Variants in CREB5 observed in about 807,000 individuals in gnomAD.
The protein encoded by CREB5 is cAMP responsive element binding protein 5.
A neutral mutation model predicts 57.1 loss-of-function variants in CREB5; 19 were observed. The observed-to-expected ratio is 0.33, with a 90% CI of 0.23 to 0.49. The LOEUF (loss-of-function observed/expected upper bound fraction) is 0.49, where lower values mean the gene tolerates loss of function less well. CREB5 is among the 20% of genes least tolerant of loss of function. The pLI is 0.99. For synonymous variants in CREB5, 238 were observed against 238.3 expected, an observed-to-expected ratio of 1.00 and a Z score of 0.01; for missense variants, 579 against 671.6, an observed-to-expected ratio of 0.86 and a Z score of 1.52.
In CREB5 at chr7:28,421,835, C is replaced by CAT. The variant is rs1562705639; in HGVS notation, c.3+8919_3+8920insTA. ...TATATATAGTGTGCATATATATATA[C>CAT]ACACACACACACTCTCTCTCTCTAT... On this transcript the variant is annotated intron_variant, in intron 1 of 10. Coordinates refer to ENST00000357727, the MANE Select transcript of CREB5 (RefSeq NM_182898.4). 1.9e-3 allele frequency among the ~76,000 whole-genome samples: 11 copies of CAT among 5,904 alleles called. No individual in the cohort carries two copies. The Admixed American group carries it at 0.026, about 14-fold the overall frequency. 3.9% of individuals were successfully genotyped at this position (5,904 alleles called of 152,430 possible). A position where few individuals can be genotyped will look rare whatever the true frequency, so the allele number is the denominator to read the frequency against.
chr7:28,367,576 G>A (rs1035259101), intron 1 of CREB5, among the ~76,000 whole-genome samples: 8 of 152,168 alleles, frequency 5.3e-5, no homozygotes, highest in Admixed American at 2.6e-4. Context: ...TTGGGAAGCC[G>A]AGGCGGGTGG....
At chr7:28,486,695 T>TATATATA (rs1282046289) in intron 1 of CREB5, among the ~76,000 whole-genome samples, 20 of 132,508 alleles carry the variant, frequency 1.5e-4, no homozygotes, top group African/African-American at 2.2e-4. Context: ...TATATATATG[T>TATATATA]TACTGTGTGG....
At chr7:28,638,666 TAAAC>T (rs1424828321) in intron 5 of CREB5, among the ~76,000 whole-genome samples, 3 of 152,126 alleles carry the variant, frequency 2.0e-5, no homozygotes, top group African/African-American at 2.4e-5. Context: ...TTCTTGATCT[TAAAC>T]AAGAGAGAAT....
intron 1 of CREB5, among the ~76,000 whole-genome samples, chr7:28,448,485 TC>T: frequency 6.6e-6 from 1 of 152,196 alleles, no homozygotes; most frequent in Non-Finnish European, 1.5e-5. Flanking sequence ...TTCTCTGGGC[TC>T]CTTGTTTTTC....
intron 4 of CREB5, among the ~76,000 whole-genome samples, chr7:28,536,147 G>A (rs1425285692): frequency 6.6e-6 from 1 of 152,256 alleles, no homozygotes; most frequent in South Asian, 2.1e-4. Flanking sequence ...TGAGAAACCA[G>A]CAAACAATGT....
intron 5 of CREB5, among the ~76,000 whole-genome samples, chr7:28,695,050 C>A (rs1339311712): frequency 6.6e-6 from 1 of 152,084 alleles, no homozygotes; most frequent in Non-Finnish European, 1.5e-5. Context: ...TGTAGGGAGA[C>A]CCCATCTCTA....
At position 28,398,814 on chromosome 7, in the gene CREB5, C is replaced by T. The variant is rs188577985; in HGVS notation, c.-24-96092C>T. Among the ~76,000 whole-genome samples the T allele has an allele frequency of 5.7e-3, 862 of 152,092 alleles. 11 individuals carry two copies. Among genetic ancestry groups the T allele is most frequent in the African/African-American group, 0.02 (814 of 41,486 alleles). ...ACAGCCTTGGCCTCTGAGGCTCAAG[C>T]GATCCTCCCACCTCAGCCTCCCGAG... On this transcript the variant is annotated intron_variant, in intron 1 of 9. Transcript: ENST00000396299.
At chr7:28,668,154 C>T (rs535394872) in intron 5 of CREB5, among the ~76,000 whole-genome samples, 2 of 152,222 alleles carry the variant, frequency 1.3e-5, no homozygotes, top group Non-Finnish European at 2.9e-5. Flanking sequence ...TATGAGGACA[C>T]GGAAAGAAAC....
At chr7:28,802,342 G>A (rs1472453239) in intron 7 of CREB5, among the ~76,000 whole-genome samples, 1 of 151,942 alleles carries the variant, frequency 6.6e-6, no homozygotes, top group Non-Finnish European at 1.5e-5. Context: ...TTCTTAGCAG[G>A]TAGAGGCTCT....
At chr7:28,567,277 C>T (rs576833418) in intron 4 of CREB5, among the ~76,000 whole-genome samples, 55 of 152,274 alleles carry the variant, frequency 3.6e-4, no homozygotes, top group African/African-American at 1.2e-3. Context: ...ATAACTGAAC[C>T]GTAATTTAAC....
intron 1 of CREB5, among the ~76,000 whole-genome samples, chr7:28,394,160 AT>A (rs1427086642): frequency 6.6e-6 from 1 of 150,746 alleles, no homozygotes; most frequent in South Asian, 2.1e-4. Flanking sequence ...TGACCACCAC[AT>A]TTTTTTAAAA....
chr7:28,501,269 A>G (rs919788967), intron 3 of CREB5, among the ~76,000 whole-genome samples: 2 of 152,194 alleles, frequency 1.3e-5, no homozygotes, highest in African/African-American at 4.8e-5. Flanking sequence ...TAGTCATCCA[A>G]TGGAGAAAAT....
At chr7:28,513,347 A>G (rs1792798262) in intron 4 of CREB5, 1 of 152,260 alleles carries the variant, frequency 6.6e-6, no homozygotes, top group Admixed American at 6.5e-5. Context: ...AGTATGGAGA[A>G]AAAGAATATT....
chr7:28,492,210 G>A (rs1041557236), intron 2 of CREB5, among the ~76,000 whole-genome samples: 3 of 152,224 alleles, frequency 2.0e-5, no homozygotes, highest in African/African-American at 7.2e-5. Flanking sequence ...ATGTTGGCCA[G>A]GCTGGTCTCG....
chr7:28,658,951 G>GTATA (rs71555759), intron 5 of CREB5, among the ~76,000 whole-genome samples: 1 of 46,984 alleles, frequency 2.1e-5, no homozygotes, highest in Non-Finnish European at 4.7e-5. Flanking sequence ...ATGTGTGTGT[G>GTATA]TGTATATATA....
chr7:28,462,040 G>T (rs1790370781), intron 1 of CREB5, among the ~76,000 whole-genome samples: 1 of 151,970 alleles, frequency 6.6e-6, no homozygotes, highest in South Asian at 2.1e-4. Flanking sequence ...CCCCCAAAAA[G>T]AAACCTTGTA....
At chr7:28,605,939 A>T (rs767361533) in intron 5 of CREB5, among the ~76,000 whole-genome samples, 7 of 152,340 alleles carry the variant, frequency 4.6e-5, no homozygotes, top group Admixed American at 1.3e-4. Flanking sequence ...TATTTTTATC[A>T]TGCTGGTGGT....
chr7:28,651,408 A>G (rs1408670164), intron 5 of CREB5, among the ~76,000 whole-genome samples: 1 of 151,904 alleles, frequency 6.6e-6, no homozygotes, highest in African/African-American at 2.4e-5. Flanking sequence ...ATAGCAGCAT[A>G]TAGAATAAGC....
At chr7:28,754,069 T>A (rs1805145307) in intron 7 of CREB5, among the ~76,000 whole-genome samples, 1 of 152,064 alleles carries the variant, frequency 6.6e-6, no homozygotes, top group Non-Finnish European at 1.5e-5. Flanking sequence ...CAGGCCTAAA[T>A]ATTCATGTTT....
Sources: allele counts gnomAD v4.1 joint callset (sites outside exome capture counted in the v4.1 genomes callset), GRCh38; gene constraint gnomAD v4.1.1; transcripts MANE v1.5; gene names NCBI Gene and HGNC (gene_info 2026-07-23, HGNC 2026-07-21).